Variants in PDE1C observed in about 807,000 individuals in gnomAD.
PDE1C encodes dual specificity calcium/calmodulin-dependent 3',5'-cyclic nucleotide phosphodiesterase 1C.
A neutral mutation model predicts 93.1 loss-of-function variants in PDE1C; 62 were observed. The observed-to-expected ratio is 0.67, with a 90% CI of 0.54 to 0.82. PDE1C has a LOEUF of 0.82. Among genes scored for constraint, PDE1C ranks in the 40% least tolerant of loss-of-function variants. The pLI is 0.00. For synonymous variants in PDE1C, 325 were observed against 310.1 expected (o/e 1.05, Z -0.50); for missense variants, 742 against 884.6 (o/e 0.84, Z 2.04).
At chr7:32,208,255 A>G (rs372019198) in intron 2 of PDE1C, among the ~76,000 whole-genome samples, 28 of 152,326 alleles carry the variant, frequency 1.8e-4, no homozygotes, top group African/African-American at 6.0e-4. Context: ...AAGCCTGTAA[A>G]TAGAGAAATT....
Position 31,973,834 on chromosome 7 carries a change from G to A in PDE1C, c.128+77720C>T, listed in dbSNP as rs1811288701. On this transcript the variant is annotated intron_variant, in intron 2 of 17. Coordinates refer to ENST00000396191, the MANE Select transcript of PDE1C (RefSeq NM_001191057.4). The stretch of plus-strand genomic sequence containing the variant: ...TGGAAGTGGTCTAGTATAGTAGTAT[G>A]GAATCATGTACATATAGTTTAGTAG... Among the ~76,000 whole-genome samples the A allele has an allele frequency of 3.3e-5, 5 of 152,014 alleles. No homozygotes were observed. The South Asian group carries it at 1.0e-3, about 32-fold the overall frequency.
intron 14 of PDE1C, among the ~76,000 whole-genome samples, chr7:31,817,202 A>G (rs937226732): frequency 6.6e-6 from 1 of 152,144 alleles, no homozygotes; most frequent in Admixed American, 6.6e-5. Context: ...GTAGACAAGG[A>G]GGTGGAGAAG....
At chr7:31,636,728 A>T in the PDE1C span, among the ~76,000 whole-genome samples, 1,049 of 111,154 alleles carry the variant, frequency 9.4e-3, 9 homozygotes, top group African/African-American at 0.027. Flanking sequence ...TTTTTTTTAA[A>T]AATTTTATTA....
intron 14 of PDE1C, among the ~76,000 whole-genome samples, chr7:31,816,940 G>A (rs1001461796): frequency 1.3e-5 from 2 of 152,116 alleles, no homozygotes; most frequent in Non-Finnish European, 2.9e-5. Context: ...CAAAACCACC[G>A]CAGAAATGCG....
intron 1 of PDE1C, among the ~76,000 whole-genome samples, chr7:32,388,520 A>G (rs550146352): frequency 2.6e-5 from 4 of 152,124 alleles, no homozygotes; most frequent in Middle Eastern, 3.4e-3. Flanking sequence ...CTCTAAAAAT[A>G]CTTTTAAAAA....
At chr7:31,653,638 A>T in the PDE1C span, 1 of 152,246 alleles carries the variant, frequency 6.6e-6, no homozygotes, top group African/African-American at 2.4e-5. Flanking sequence ...AAATCTTTGT[A>T]GCTATCTCAT....
At chr7:31,905,674 A>C (rs17160670) in intron 2 of PDE1C, among the ~76,000 whole-genome samples, 15,521 of 152,180 alleles carry the variant, frequency 0.1, 1,104 homozygotes, top group African/African-American at 0.2. Flanking sequence ...CAAATATTTC[A>C]CTTTAGACAC....
At chr7:31,731,419 C>T in the PDE1C span, among the ~76,000 whole-genome samples, 2 of 149,874 alleles carry the variant, frequency 1.3e-5, no homozygotes, top group Admixed American at 1.3e-4. Context: ...GAGAGAGAGT[C>T]TCGCTCTGTC....
intron 2 of PDE1C, among the ~76,000 whole-genome samples, chr7:31,966,510 G>A (rs920888779): frequency 1.3e-5 from 2 of 150,302 alleles, no homozygotes; most frequent in African/African-American, 5.0e-5. Flanking sequence ...AATAATAATG[G>A]GAGACTTTAA....
chr7:31,723,014 C>T, the PDE1C span, among the ~76,000 whole-genome samples: 1 of 152,150 alleles, frequency 6.6e-6, no homozygotes, highest in Non-Finnish European at 1.5e-5. Context: ...TTACTTAACT[C>T]ATTTATTCTT....
At chr7:31,821,502 T>A (rs1236338992) in intron 14 of PDE1C, among the ~76,000 whole-genome samples, 1 of 152,022 alleles carries the variant, frequency 6.6e-6, no homozygotes, top group Non-Finnish European at 1.5e-5. Flanking sequence ...TATAAGAGAG[T>A]GTTTCTTTGC....
intron 7 of PDE1C, among the ~76,000 whole-genome samples, chr7:31,859,315 A>G (rs2128821655): frequency 6.7e-6 from 1 of 149,718 alleles, no homozygotes; most frequent in East Asian, 1.9e-4. Context: ...AGTATTATAG[A>G]CTTATTTATC....
chr7:31,888,037 G>C (rs555818049), intron 2 of PDE1C, among the ~76,000 whole-genome samples: 1 of 151,802 alleles, frequency 6.6e-6, no homozygotes, highest in Non-Finnish European at 1.5e-5. Flanking sequence ...GGTGGATCAC[G>C]AGGTCAGGAG....
intron 2 of PDE1C, among the ~76,000 whole-genome samples, chr7:32,171,138 G>T (rs1802622036): frequency 6.6e-6 from 1 of 152,118 alleles, no homozygotes; most frequent in Non-Finnish European, 1.5e-5. Context: ...CCTCTCCTGG[G>T]AACTGTGGGT....
At chr7:32,376,149 A>C (rs1784428464) in intron 1 of PDE1C, among the ~76,000 whole-genome samples, 1 of 151,426 alleles carries the variant, frequency 6.6e-6, no homozygotes, top group South Asian at 2.1e-4. Context: ...TGACAGCGAG[A>C]CTCTGTCAAA....
intron 1 of PDE1C, among the ~76,000 whole-genome samples, chr7:32,054,037 T>C (rs777493362): frequency 6.6e-6 from 1 of 151,780 alleles, no homozygotes; most frequent in African/African-American, 2.4e-5. Context: ...GCAGGGACTA[T>C]AAAGTGAGGT....
chr7:32,137,097 G>A (rs75434494), intron 3 of PDE1C, among the ~76,000 whole-genome samples: 1,746 of 152,274 alleles, frequency 0.011, 20 homozygotes, highest in Non-Finnish European at 0.018. Flanking sequence ...TCCAGATGGA[G>A]CATAAGACTA....
the PDE1C span, chr7:31,658,167 C>A: frequency 1.0e-6 from 1 of 975,292 alleles, no homozygotes; most frequent in Non-Finnish European, 1.4e-6. Flanking sequence ...ATGCATAGGC[C>A]ATGTAGATTT....
rs1350806655 is a variant in PDE1C at position 31,866,546 on chromosome 7, CCATGAAGTATTTGTGGT to C, written c.610-1481_610-1465del. On this transcript the variant is annotated intron_variant, in intron 6 of 17. Transcript: ENST00000396191. The stretch of plus-strand genomic sequence containing the variant: ...AAAATTAAGGACCTAAGGACCATGG[CCATGAAGTATTTGTGGT>C]CATGTAAAGACATATTTCCTCAGTG... 2.0e-5 allele frequency among the ~76,000 whole-genome samples: 3 copies of C among 152,190 alleles called. No homozygotes were observed. In the South Asian group the frequency reaches 6.2e-4, roughly 32 times the overall value.
Sources: allele counts gnomAD v4.1 joint callset (sites outside exome capture counted in the v4.1 genomes callset), GRCh38; gene constraint gnomAD v4.1.1; transcripts MANE v1.5; gene names NCBI Gene and HGNC (gene_info 2026-07-23, HGNC 2026-07-21).